ERAP2: variants seen among roughly 807,000 people sequenced by gnomAD.
ERAP2 encodes the protein endoplasmic reticulum aminopeptidase 2.
A neutral mutation model predicts 111.1 loss-of-function variants in ERAP2; 118 were observed. The ratio of observed to expected loss-of-function variants is 1.06; its 90% CI spans 0.92 to 1.24. ERAP2 has a LOEUF of 1.24. Among genes scored for constraint, ERAP2 ranks in the 50% most tolerant of loss-of-function variants. The probability of loss-of-function intolerance (pLI) is 0.00; values close to 1 mark genes in which losing one functional copy is unlikely to be tolerated. For missense variants in ERAP2, 1,131 were observed against 1,125.8 expected, an observed-to-expected ratio of 1.00 and a Z score of -0.07; for synonymous variants, 410 against 401.2, an observed-to-expected ratio of 1.02 and a Z score of -0.26.
At chr5:96,902,518 A>T in intron 12 of ERAP2, 165 bp downstream of exon 12, 1 of 532,746 alleles carries the variant, frequency 1.9e-6, no homozygotes, top group Non-Finnish European at 3.3e-6. Context: ...TAGTAAGAAA[A>T]TCTGGATTTT....
At chr5:96,882,570 A>C (rs994843424) in intron 2 of ERAP2, among the ~76,000 whole-genome samples, 1 of 152,248 alleles carries the variant, frequency 6.6e-6, no homozygotes, top group African/African-American at 2.4e-5. Context: ...TGAGATGCAG[A>C]AGGTCACACT....
intron 13 of ERAP2, among the ~76,000 whole-genome samples, chr5:96,904,585 T>C (rs1490969839): frequency 6.6e-6 from 1 of 152,182 alleles, no homozygotes; most frequent in Non-Finnish European, 1.5e-5. Context: ...AACACCATCC[T>C]ACATATGAGT....
At chr5:96,877,812 T>C (rs557640604) in intron 1 of ERAP2, among the ~76,000 whole-genome samples, 15 of 152,264 alleles carry the variant, frequency 9.9e-5, no homozygotes, top group Admixed American at 5.2e-4. Flanking sequence ...CACTGAGATT[T>C]GTAGCAGTAA....
intron 13 of ERAP2, among the ~76,000 whole-genome samples, chr5:96,906,832 G>A (rs933294384): frequency 6.6e-6 from 1 of 152,192 alleles, no homozygotes. Context: ...AGGAGTTCAA[G>A]ACCAGCCTGG....
chr5:96,900,363 AC>A lies in ERAP2; in HGVS notation c.1572+175del, dbSNP rs1190556650. On this transcript the variant is annotated intron_variant, in intron 10 of 18. Coordinates refer to ENST00000437043, the MANE Select transcript of ERAP2 (RefSeq NM_022350.5). The stretch of plus-strand genomic sequence containing the variant: ...GGAAATGCTTGGGGTATTTAGGGGG[AC>A]AATGCTGTTGCTACTATATTTTTGT... 13 of 983,916 alleles carry A rather than the reference AC, an allele frequency of 1.3e-5. No individual in the cohort carries two copies. In the Admixed American group the frequency reaches 1.5e-4, roughly 12 times the overall value. The allele number at this position is 983,916 out of a possible 1,614,324, so 60.9% of individuals were successfully genotyped here.
chr5:96,892,538 A>T, intron 6 of ERAP2, 85 bp downstream of exon 6: 1 of 1,507,272 alleles, frequency 6.6e-7, no homozygotes, highest in Non-Finnish European at 9.1e-7. Flanking sequence ...AACAAAATAA[A>T]TCATCTCATT....
chr5:96,893,440 C>G (rs1050717088), intron 6 of ERAP2, among the ~76,000 whole-genome samples: 1 of 152,174 alleles, frequency 6.6e-6, no homozygotes, highest in Non-Finnish European at 1.5e-5. Context: ...CACTGTGCTT[C>G]GAGAACACAT....
Position 96,896,438 on chromosome 5 carries a change from T to C in ERAP2, c.1305T>C (p.Pro435=), listed in dbSNP as rs2548538. Residue 435 remains proline, a synonymous_variant, in exon 8 of 19, where the codon CCT becomes CCC. Transcript: ENST00000437043. The part of the protein sequence containing the change: ...ITKDSLNSSR[P]ISKPAETPTQ... ...AAGATTCATTGAATTCATCCCGCCC[T>C]ATCTCCAAACCAGCGGAAACCCCGA... is the stretch of plus-strand genomic sequence containing the variant. 6.2e-7 allele frequency: 1 copy of C among 1,613,004 alleles called. No individual in the cohort carries two copies. Among genetic ancestry groups the C allele is most frequent in the East Asian group, 2.2e-5 (1 of 44,844 alleles).
intron 2 of ERAP2, chr5:96,881,452 G>T (rs1783122250): frequency 2.2e-6 from 1 of 456,222 alleles, no homozygotes; most frequent in Admixed American, 2.3e-5. Context: ...GGACGGCTTG[G>T]TTTCCCAGGG....
chr5:96,908,747 C>A (rs963144683), intron 13 of ERAP2, among the ~76,000 whole-genome samples: 11 of 151,938 alleles, frequency 7.2e-5, no homozygotes, highest in African/African-American at 2.7e-4. Flanking sequence ...TATTATTATC[C>A]CCATTGTATA....
intron 1 of ERAP2, among the ~76,000 whole-genome samples, 172 bp downstream of exon 1, chr5:96,876,699 G>A (rs1782565320): frequency 6.6e-6 from 1 of 152,126 alleles, no homozygotes; most frequent in Non-Finnish European, 1.5e-5. Flanking sequence ...ATGCAGTTGA[G>A]GCTGGGACTT....
At chr5:96,888,165 A>G (rs116600798) in intron 4 of ERAP2, among the ~76,000 whole-genome samples, 3,956 of 33,248 alleles carry the variant, frequency 0.12, 87 homozygotes, top group Middle Eastern at 0.35. Context: ...AAAGAAAAAA[A>G]AAGAAAAATC....
chr5:96,912,581 GAA>G, intron 15 of ERAP2, 54 bp from the exon 16 acceptor site: 1 of 1,446,898 alleles, frequency 6.9e-7, no homozygotes, highest in Non-Finnish European at 9.4e-7. Flanking sequence ...ATTGTCATAA[GAA>G]AAAAGTTTTT....
At chr5:96,914,920 A>G (rs1350717589) in intron 17 of ERAP2, among the ~76,000 whole-genome samples, 1 of 143,670 alleles carries the variant, frequency 7.0e-6, no homozygotes, top group Non-Finnish European at 1.5e-5. Flanking sequence ...TAAATGATAT[A>G]TAGTATAAAA....
At chr5:96,913,608 C>T (rs1787042808) in intron 17 of ERAP2, 151 bp downstream of exon 17, 3 of 871,648 alleles carry the variant, frequency 3.4e-6, no homozygotes, top group South Asian at 3.0e-5. Context: ...CTCCCTAGCC[C>T]AAATTATCCT....
In ERAP2 at chr5:96,887,828, T is replaced by C. The variant is rs200206623; in HGVS notation, c.849+1039T>C. Reference sequence around the variant, plus strand: ...TTTAAAGAGTTATAAAATAATGCTTTTGAAAAATGGGCATAGGCCGGGCAC... The same window carrying C: ...TTTAAAGAGTTATAAAATAATGCTTCTGAAAAATGGGCATAGGCCGGGCAC... On this transcript the variant is annotated intron_variant, in intron 4 of 18. Coordinates refer to ENST00000437043, the MANE Select transcript of ERAP2 (RefSeq NM_022350.5). 9.9e-5 allele frequency among the ~76,000 whole-genome samples: 15 copies of C among 152,274 alleles called. No individual in the cohort carries two copies. The East Asian group carries it at 2.9e-3, about 29-fold the overall frequency.
chr5:96,901,369 C>T, intron 10 of ERAP2, 137 bp from the exon 11 acceptor site: 1 of 930,810 alleles, frequency 1.1e-6, no homozygotes, highest in Non-Finnish European at 1.6e-6. Flanking sequence ...GCCTGGATTA[C>T]CCTTCCCTGA....
At chr5:96,900,536 T>C (rs1255282470) in intron 10 of ERAP2, among the ~76,000 whole-genome samples, 3 of 152,160 alleles carry the variant, frequency 2.0e-5, no homozygotes, top group Non-Finnish European at 4.4e-5. Context: ...AAATACAGTA[T>C]ATGTTTTTCT....
At chr5:96,895,172 C>A in intron 6 of ERAP2, 74 bp from the exon 7 acceptor site, 1 of 818,472 alleles carries the variant, frequency 1.2e-6, no homozygotes, top group East Asian at 2.9e-5. Flanking sequence ...AAGTTAGTAA[C>A]TATTGTATTT....
Sources: allele counts gnomAD v4.1 joint callset (sites outside exome capture counted in the v4.1 genomes callset), GRCh38; gene constraint gnomAD v4.1.1; transcripts MANE v1.5; gene names NCBI Gene and HGNC (gene_info 2026-07-23, HGNC 2026-07-21).